Variants in PTER observed in about 807,000 individuals in gnomAD.
PTER encodes N-acetyltaurine hydrolase.
A neutral mutation model predicts 29.6 loss-of-function variants in PTER; 38 were observed. The ratio of observed to expected loss-of-function variants is 1.28; its 90% CI spans 0.99 to 1.68. The LOEUF (loss-of-function observed/expected upper bound fraction) is 1.68, where lower values mean the gene tolerates loss of function less well. PTER is among the 40% of genes most tolerant of loss of function. PTER has a pLI of 0.00. For missense variants in PTER, 482 were observed against 427.8 expected (o/e 1.13, Z -1.12); for synonymous variants, 172 against 154.5 (o/e 1.11, Z -0.84).
rs1055340 is a variant in PTER, at chr10:16,513,529, A to T, written c.*2273A>T. 91,023 of 152,368 alleles carry T rather than the reference A, an allele frequency of 0.6. 28,104 individuals carry two copies. The highest frequency in any genetic ancestry group is 0.76 in the African/African-American group (31,395 of 41,494). 9.4% of individuals were successfully genotyped at this position (152,368 alleles called of 1,614,324 possible). A position where few individuals can be genotyped will look rare whatever the true frequency, so the allele number is the denominator to read the frequency against. On this transcript the variant is annotated 3_prime_UTR_variant, in exon 5 of 5. Coordinates refer to ENST00000535784, the MANE Select transcript of PTER (RefSeq NM_001261836.2). The stretch of plus-strand genomic sequence containing the variant: ...AAATATAAACACTCTGTTGTCATAT[A>T]GGCTATATGCGAAATTGTTAATTTT...
intron 3 of PTER, among the ~76,000 whole-genome samples, chr10:16,487,038 AC>A (rs1381686732): frequency 1.3e-5 from 2 of 152,192 alleles, no homozygotes; most frequent in Admixed American, 1.3e-4. Context: ...CAATGGTTTC[AC>A]CCAGAGAAGA....
chr10:16,514,325 C>A (rs1166141619), downstream of PTER: 4 of 582,008 alleles, frequency 6.9e-6, no homozygotes, highest in African/African-American at 7.5e-5. Context: ...GGTAGTGGAT[C>A]ACACATCTGC....
intron 3 of PTER, among the ~76,000 whole-genome samples, chr10:16,501,383 A>T (rs937468021): frequency 2.0e-5 from 3 of 150,884 alleles, no homozygotes; most frequent in Non-Finnish European, 4.4e-5. Context: ...ACACACACAC[A>T]CACACACCCC....
intron 1 of PTER, among the ~76,000 whole-genome samples, chr10:16,463,201 A>C (rs1000583630): frequency 6.9e-6 from 1 of 145,610 alleles, no homozygotes; most frequent in African/African-American, 2.6e-5. Flanking sequence ...CTCTGTCTAA[A>C]AAAAAAAAAA....
chr10:16,491,946 A>G (rs1433512922), intron 3 of PTER, among the ~76,000 whole-genome samples: 3 of 152,132 alleles, frequency 2.0e-5, no homozygotes, highest in African/African-American at 4.8e-5. Context: ...GGGTGCACAC[A>G]CACACACACA....
chr10:16,458,261 C>G (rs1461621944), intron 1 of PTER, among the ~76,000 whole-genome samples: 2 of 151,992 alleles, frequency 1.3e-5, no homozygotes, highest in African/African-American at 4.8e-5. Context: ...CAACTTGGCT[C>G]CATCACAATT....
At position 16,513,496 on chromosome 10, in the gene PTER, T is replaced by C. The variant is rs1279282592; in HGVS notation, c.*2240T>C. 1 of 152,554 alleles carries C rather than the reference T, an allele frequency of 6.6e-6. No homozygotes were observed. Among genetic ancestry groups the C allele is most frequent in the African/African-American group, 2.4e-5 (1 of 41,446 alleles). 9.5% of individuals were successfully genotyped at this position (152,554 alleles called of 1,614,324 possible). A position where few individuals can be genotyped will look rare whatever the true frequency, so the allele number is the denominator to read the frequency against. On this transcript the variant is annotated 3_prime_UTR_variant, in exon 5 of 5. Coordinates refer to ENST00000535784, the MANE Select transcript of PTER (RefSeq NM_001261836.2). ...TATATGTGTGCATGTTTAGCAGATATTTGTATAAAATATAAACACTCTGTT... is the reference window on the plus strand; with the variant it reads ...TATATGTGTGCATGTTTAGCAGATACTTGTATAAAATATAAACACTCTGTT...
At position 16,505,081 on chromosome 10, in the gene PTER, G is replaced by A. The variant is rs758477959; in HGVS notation, c.760G>A (p.Asp254Asn). The A allele has an allele frequency of 6.7e-5, 108 of 1,613,878 alleles. No homozygotes were observed. Among genetic ancestry groups the A allele is most frequent in the Non-Finnish European group, 9.0e-5 (106 of 1,179,920 alleles). The change falls in exon 4 of 5, where the codon GAT (aspartate) becomes AAT (asparagine). Residue 254 changes from aspartate (D) to asparagine (N), a missense_variant. Transcript: ENST00000535784. ...TCAACTTGGCTGCTACTTGGAATAT[G>A]ATCTCTTTGGTACTGAACTACTTCA... Reference protein sequence around the residue: ...FAQLGCYLEYDLFGTELLHYQ... With the variant: ...FAQLGCYLEYNLFGTELLHYQ...
chr10:16,472,587 A>G (rs1246853526), intron 1 of PTER, among the ~76,000 whole-genome samples: 4 of 152,202 alleles, frequency 2.6e-5, no homozygotes, highest in East Asian at 1.9e-4. Context: ...TTGTGAGTCC[A>G]TTAAACCCCT....
chr10:16,511,481 A>C lies in PTER; in HGVS notation c.*225A>C. ...CCCTATTATTTTAACTTAACAAAAT[A>C]AATACAGAAGTACCTATTTCTAAAC... is the stretch of plus-strand genomic sequence containing the variant. On this transcript the variant is annotated 3_prime_UTR_variant, in exon 5 of 5. Coordinates refer to ENST00000535784, the MANE Select transcript of PTER (RefSeq NM_001261836.2). 1.8e-6 allele frequency: 1 copy of C among 543,762 alleles called. No individual in the cohort carries two copies. Among genetic ancestry groups the C allele is most frequent in the Non-Finnish European group, 3.3e-6 (1 of 304,416 alleles). The allele number at this position is 543,762 out of a possible 1,614,324, so 33.7% of individuals were successfully genotyped here. A position where few individuals can be genotyped will look rare whatever the true frequency, so the allele number is the denominator to read the frequency against.
At chr10:16,507,874 A>G (rs1836637326) in intron 4 of PTER, among the ~76,000 whole-genome samples, 2 of 152,168 alleles carry the variant, frequency 1.3e-5, no homozygotes, top group Non-Finnish European at 2.9e-5. Flanking sequence ...ACCCGATTCA[A>G]TACAGGTGAA....
intron 1 of PTER, among the ~76,000 whole-genome samples, chr10:16,450,011 C>G (rs1306008715): frequency 6.6e-6 from 1 of 152,176 alleles, no homozygotes; most frequent in Non-Finnish European, 1.5e-5. Flanking sequence ...TTAGTGGGCC[C>G]AAATCAGTAA....
chr10:16,486,438 C>G lies in PTER; in HGVS notation c.519C>G (p.Ser173=). 1 of 1,614,016 alleles carries G rather than the reference C, an allele frequency of 6.2e-7. No homozygotes were observed. Among genetic ancestry groups the G allele is most frequent in the Non-Finnish European group, 8.5e-7 (1 of 1,179,972 alleles). ...GCATTATTGGAGAAATTGGTTGCTCCTGGCCTTTGACTGAGAGTGAAAGAA... is the reference window on the plus strand; with the variant it reads ...GCATTATTGGAGAAATTGGTTGCTCGTGGCCTTTGACTGAGAGTGAAAGAA... The part of the protein sequence containing the change: ...KCGIIGEIGC[S]WPLTESERKV... Residue 173 remains serine, a synonymous_variant, in exon 3 of 5, where the codon TCC becomes TCG. Transcript: ENST00000535784.
intron 1 of PTER, among the ~76,000 whole-genome samples, chr10:16,483,979 TAATTAC>T (rs1235174409): frequency 6.6e-6 from 1 of 152,240 alleles, no homozygotes; most frequent in Admixed American, 6.5e-5. Context: ...TACTTTTTTT[TAATTAC>T]AATTACTGTT....
intron 1 of PTER, among the ~76,000 whole-genome samples, chr10:16,440,210 C>T (rs1424903140): frequency 6.6e-6 from 1 of 151,718 alleles, no homozygotes; most frequent in Non-Finnish European, 1.5e-5. Context: ...GAAATATAGG[C>T]ATGCACCACC....
intron 1 of PTER, among the ~76,000 whole-genome samples, chr10:16,471,285 G>A (rs1835044202): frequency 6.6e-6 from 1 of 152,182 alleles, no homozygotes. Flanking sequence ...CTCGTTGCCT[G>A]CCTGTGTGTT....
intron 1 of PTER, among the ~76,000 whole-genome samples, chr10:16,439,177 G>A (rs1053837422): frequency 2.0e-5 from 3 of 152,084 alleles, no homozygotes; most frequent in African/African-American, 7.2e-5. Context: ...GTGTATTTTG[G>A]AGGTCAGTAG....
intron 1 of PTER, among the ~76,000 whole-genome samples, chr10:16,437,651 C>T (rs2029398): frequency 0.58 from 88,006 of 152,032 alleles, 26,749 homozygotes; most frequent in African/African-American, 0.77. Flanking sequence ...TTATAAAAGC[C>T]AATTACCAGC....
At chr10:16,438,197 G>T (rs183394360) in intron 1 of PTER, among the ~76,000 whole-genome samples, 1 of 152,010 alleles carries the variant, frequency 6.6e-6, no homozygotes, top group African/African-American at 2.4e-5. Flanking sequence ...GTAGAGACGG[G>T]GTTTCACCAT....
Sources: gnomAD v4.1 joint callset for allele counts (sites outside exome capture counted in the v4.1 genomes callset) on GRCh38, gnomAD v4.1.1 for gene constraint, MANE v1.5 for transcripts, NCBI Gene and HGNC (gene_info 2026-07-23, HGNC 2026-07-21) for gene names.